Variants in PTPRG observed in about 807,000 individuals in gnomAD.
The protein encoded by PTPRG is protein tyrosine phosphatase receptor type G.
In PTPRG, 102 loss-of-function variants were observed where a neutral mutation model predicts 165.3. That is an observed-to-expected ratio of 0.62 (90% CI 0.53 to 0.73). PTPRG has a LOEUF of 0.73. Among genes scored for constraint, PTPRG ranks in the 30% least tolerant of loss-of-function variants. The pLI is 0.00. For missense variants in PTPRG, 1,866 were observed against 1,861.4 expected (o/e 1.00, Z -0.05); for synonymous variants, 675 against 669.5 (o/e 1.01, Z -0.13).
chr3:61,887,170 A>ATATATATATTTTTTTTTTTT (rs60282456), intron 2 of PTPRG, among the ~76,000 whole-genome samples: 2 of 115,534 alleles, frequency 1.7e-5, no homozygotes, highest in African/African-American at 6.5e-5. Context: ...ATATATATAT[A>ATATATATATTTTTTTTTTTT]TTTTTAATGC....
At chr3:61,648,839 G>C (rs1702274015) in intron 1 of PTPRG, among the ~76,000 whole-genome samples, 1 of 152,200 alleles carries the variant, frequency 6.6e-6, no homozygotes, top group East Asian at 1.9e-4. Context: ...TGAGGGTTGG[G>C]GGCTGCTGGT....
At chr3:62,183,566 T>TA (rs368802810) in intron 8 of PTPRG, among the ~76,000 whole-genome samples, 30,016 of 128,680 alleles carry the variant, frequency 0.23, 3,799 homozygotes, top group East Asian at 0.36. Flanking sequence ...TCGTCTCAAT[T>TA]AAAAAAAAAA....
At chr3:61,580,100 G>A (rs1301165692) in intron 1 of PTPRG, among the ~76,000 whole-genome samples, 6 of 152,158 alleles carry the variant, frequency 3.9e-5, no homozygotes, top group African/African-American at 2.4e-5. Context: ...TATGTTATTA[G>A]TAAGGCTTGT....
intron 2 of PTPRG, among the ~76,000 whole-genome samples, chr3:61,889,855 C>CAAT (rs2038159795): frequency 6.6e-6 from 1 of 152,028 alleles, no homozygotes; most frequent in South Asian, 2.1e-4. Flanking sequence ...TGGAGAAGGC[C>CAAT]AATATTCGTA....
rs1455098078 is a variant in PTPRG, at chr3:62,261,776, CT to C, written c.2560-1020del. 4 of 1,150 alleles carry C rather than the reference CT, an allele frequency of 3.5e-3. No homozygotes were observed. The East Asian group carries it at 0.087, about 25-fold the overall frequency. The allele number at this position is 1,150 out of a possible 1,614,324, so 0.1% of individuals were successfully genotyped here. ...TTCCTCCTTCTAGAGAAGAAGTGTACTTCTCCCTGGGGAAGTACTTTGTGAA... is the reference window on the plus strand; with the variant it reads ...TTCCTCCTTCTAGAGAAGAAGTGTACTCTCCCTGGGGAAGTACTTTGTGAA... On this transcript the variant is annotated intron_variant, in intron 16 of 29. Coordinates refer to ENST00000474889, the MANE Select transcript of PTPRG (RefSeq NM_002841.4).
At chr3:62,166,627 G>A (rs1452307640) in intron 7 of PTPRG, among the ~76,000 whole-genome samples, 1 of 151,568 alleles carries the variant, frequency 6.6e-6, no homozygotes, top group Non-Finnish European at 1.5e-5. Context: ...TGAGCCACCG[G>A]GCCTGGCCAG....
intron 1 of PTPRG, among the ~76,000 whole-genome samples, chr3:61,563,768 G>A (rs1359881567): frequency 6.6e-6 from 1 of 151,980 alleles, no homozygotes; most frequent in African/African-American, 2.4e-5. Flanking sequence ...GTCCCGTCGT[G>A]CGACCCGGAG....
Position 61,996,600 on chromosome 3 carries a change from T to C in PTPRG, c.371-6749T>C, listed in dbSNP as rs1012154371. ...GGCGTGTCTAATATAAACAGTGTCT[T>C]TGTAGTACCCTGGGGCATCTCTGGT... On this transcript the variant is annotated intron_variant, in intron 3 of 29. Transcript: ENST00000474889. Among the ~76,000 whole-genome samples the C allele has an allele frequency of 3.3e-5, 5 of 152,190 alleles. No individual in the cohort carries two copies. The South Asian group carries it at 1.0e-3, about 32-fold the overall frequency.
rs1702993179 is a variant in PTPRG at position 62,294,269 on chromosome 3, A to G, written c.*962A>G. 1 of 152,122 alleles carries G rather than the reference A, an allele frequency of 6.6e-6. No homozygotes were observed. The highest frequency in any genetic ancestry group is 1.5e-5 in the Non-Finnish European group (1 of 68,000). The allele number at this position is 152,122 out of a possible 1,614,324, so 9.4% of individuals were successfully genotyped here. A position where few individuals can be genotyped will look rare whatever the true frequency, so the allele number is the denominator to read the frequency against. On this transcript the variant is annotated 3_prime_UTR_variant, in exon 30 of 30. Coordinates refer to ENST00000474889, the MANE Select transcript of PTPRG (RefSeq NM_002841.4). Reference sequence around the variant, plus strand: ...TCTAAAAATTCCCTATTACTCCTATAGCAATCTAATAAAAACTACCTACAT... The same window carrying G: ...TCTAAAAATTCCCTATTACTCCTATGGCAATCTAATAAAAACTACCTACAT...
chr3:61,747,886 G>C (rs1021944463), intron 1 of PTPRG, among the ~76,000 whole-genome samples: 1 of 151,712 alleles, frequency 6.6e-6, no homozygotes, highest in Admixed American at 6.6e-5. Flanking sequence ...GTGTAATTCC[G>C]TTTCATTTTG....
At position 61,871,128 on chromosome 3, in the gene PTPRG, A is replaced by ATGTTATGTTATGTTG. The variant is rs1559660035; in HGVS notation, c.191-118493_191-118492insATGTTATGTTGTGTT. The stretch of plus-strand genomic sequence containing the variant: ...ATTCCCTGTTATGTTATGTTATGTT[A>ATGTTATGTTATGTTG]TGTTGTGTTGTGTTGTGTTGTGTTG... On this transcript the variant is annotated intron_variant, in intron 2 of 29. Transcript: ENST00000474889. Among the ~76,000 whole-genome samples, 77 of 123,102 alleles carry ATGTTATGTTATGTTG rather than the reference A, an allele frequency of 6.3e-4. 1 individual carries two copies. Among genetic ancestry groups the ATGTTATGTTATGTTG allele is most frequent in the African/African-American group, 2.4e-3 (76 of 31,634 alleles). 80.8% of individuals were successfully genotyped at this position (123,102 alleles called of 152,430 possible). A position where few individuals can be genotyped will look rare whatever the true frequency, so the allele number is the denominator to read the frequency against.
intron 5 of PTPRG, among the ~76,000 whole-genome samples, chr3:62,118,018 T>A (rs1246440657): frequency 6.6e-6 from 1 of 152,130 alleles, no homozygotes; most frequent in Non-Finnish European, 1.5e-5. Context: ...TGTGAAGTAT[T>A]TTATGTGGAT....
chr3:61,589,086 T>A (rs1002988371), intron 1 of PTPRG, among the ~76,000 whole-genome samples: 1 of 152,220 alleles, frequency 6.6e-6, no homozygotes, highest in Admixed American at 6.5e-5. Flanking sequence ...CATTTTTAAT[T>A]GTTGAAAATA....
At chr3:61,868,077 CTCCCCACATTCTCCCTTAAACACA>C (rs2037459542) in intron 2 of PTPRG, among the ~76,000 whole-genome samples, 1 of 152,176 alleles carries the variant, frequency 6.6e-6, no homozygotes, top group Non-Finnish European at 1.5e-5. Flanking sequence ...ACATAAGCCC[CTCCCCACATTCTCCCTTAAACACA>C]TGAAGAAGTG....
At chr3:62,223,144 G>A (rs1050840960) in intron 13 of PTPRG, among the ~76,000 whole-genome samples, 2 of 152,086 alleles carry the variant, frequency 1.3e-5, no homozygotes, top group African/African-American at 4.8e-5. Context: ...AGCAAGGGCC[G>A]GATCATGAGG....
intron 1 of PTPRG, among the ~76,000 whole-genome samples, chr3:61,600,971 T>C (rs1700848998): frequency 6.6e-6 from 1 of 152,200 alleles, no homozygotes. Flanking sequence ...AGAGCTTTTT[T>C]GGGCCAGATG....
At chr3:61,896,221 C>T (rs1488896597) in intron 2 of PTPRG, among the ~76,000 whole-genome samples, 1 of 152,192 alleles carries the variant, frequency 6.6e-6, no homozygotes, top group Non-Finnish European at 1.5e-5. Context: ...CCTCCCTCCT[C>T]CCATCTCTAA....
chr3:62,022,122 G>C (rs1015817921), intron 4 of PTPRG, among the ~76,000 whole-genome samples: 2 of 152,136 alleles, frequency 1.3e-5, no homozygotes, highest in Non-Finnish European at 2.9e-5. Flanking sequence ...GCTGCTGTAC[G>C]TGACTATTCC....
At chr3:61,745,190 G>A (rs687705) in intron 1 of PTPRG, among the ~76,000 whole-genome samples, 93,011 of 151,542 alleles carry the variant, frequency 0.61, 29,423 homozygotes, top group Middle Eastern at 0.7. Context: ...AGCTGGGACT[G>A]CAGGCGTGCC....
Sources: gnomAD v4.1 joint callset for allele counts (sites outside exome capture counted in the v4.1 genomes callset) on GRCh38, gnomAD v4.1.1 for gene constraint, MANE v1.5 for transcripts, NCBI Gene and HGNC (gene_info 2026-07-23, HGNC 2026-07-21) for gene names.